LANCL2: variants seen among roughly 807,000 people sequenced by gnomAD.
LANCL2 encodes lanC-like protein 2.
A neutral mutation model predicts 56.9 loss-of-function variants in LANCL2; 33 were observed. The observed-to-expected ratio is 0.58, with a 90% CI of 0.44 to 0.78. The LOEUF (loss-of-function observed/expected upper bound fraction) is 0.78. LANCL2 is among the 30% of genes least tolerant of loss of function. The probability of loss-of-function intolerance (pLI) is 0.00; values close to 1 mark genes in which losing one functional copy is unlikely to be tolerated. For synonymous variants in LANCL2, 233 were observed against 228.2 expected (o/e 1.02, Z -0.19); for missense variants, 562 against 580.2 (o/e 0.97, Z 0.32).
intron 2 of LANCL2, 79 bp from the exon 3 acceptor site, chr7:55,398,344 C>A: frequency 9.8e-7 from 1 of 1,022,856 alleles, no homozygotes; most frequent in Non-Finnish European, 1.5e-6. Context: ...GAAGGTATTT[C>A]ATGTAATTAT....
intron 6 of LANCL2, among the ~76,000 whole-genome samples, chr7:55,421,339 C>CTTT (rs11416515): frequency 2.9e-4 from 30 of 104,622 alleles, no homozygotes; most frequent in South Asian, 1.7e-3. Flanking sequence ...TCTGTTGACT[C>CTTT]TTTTTTTTTT....
At chr7:55,428,597 T>C in intron 8 of LANCL2, 150 bp downstream of exon 8, 1 of 665,344 alleles carries the variant, frequency 1.5e-6, no homozygotes, top group Non-Finnish European at 2.7e-6. Context: ...CTGAAAATTA[T>C]GTTGAATCTC....
rs141460020 is a variant in LANCL2 at position 55,370,017 on chromosome 7, C to G, written c.204+3788C>G. On this transcript the variant is annotated intron_variant, in intron 1 of 8. Coordinates refer to ENST00000254770, the MANE Select transcript of LANCL2 (RefSeq NM_018697.4). ...ATGCAGTGTCTGAGAGTCAGGAATC[C>G]AGCTGCAGGTTAGCTGGGTGGTTCT... 3.5e-3 allele frequency among the ~76,000 whole-genome samples: 539 copies of G among 152,280 alleles called. 6 individuals are homozygous for G. Among genetic ancestry groups the G allele is most frequent in the African/African-American group, 0.012 (511 of 41,534 alleles).
chr7:55,391,953 G>C, intron 2 of LANCL2, 43 bp downstream of exon 2: 1 of 1,090,744 alleles, frequency 9.2e-7, no homozygotes, highest in Non-Finnish European at 1.4e-6. Context: ...TTTATTCTTA[G>C]ATTATGAGAT....
chr7:55,386,141 G>A (rs1320189418), intron 1 of LANCL2, among the ~76,000 whole-genome samples: 1 of 152,054 alleles, frequency 6.6e-6, no homozygotes, highest in Non-Finnish European at 1.5e-5. Flanking sequence ...TGTACAATTT[G>A]TGTAGTTAAC....
At chr7:55,377,036 C>T (rs182345069) in intron 1 of LANCL2, among the ~76,000 whole-genome samples, 18 of 152,084 alleles carry the variant, frequency 1.2e-4, no homozygotes, top group African/African-American at 1.7e-4. Flanking sequence ...ATGTTTGCTA[C>T]GCTTCATGCC....
At chr7:55,375,631 C>T (rs1789992057) in intron 1 of LANCL2, among the ~76,000 whole-genome samples, 1 of 152,216 alleles carries the variant, frequency 6.6e-6, no homozygotes, top group Non-Finnish European at 1.5e-5. Context: ...TTTAAAGCAG[C>T]ACCTATTTAT....
At position 55,365,909 on chromosome 7, in the gene LANCL2, C is replaced by T. The variant is rs988337932; in HGVS notation, c.-117C>T. 1 of 760,904 alleles carries T rather than the reference C, an allele frequency of 1.3e-6. No individual in the cohort carries two copies. The highest frequency in any genetic ancestry group is 1.9e-5 in the African/African-American group (1 of 53,706). The allele number at this position is 760,904 out of a possible 1,614,324, so 47.1% of individuals were successfully genotyped here. A position where few individuals can be genotyped will look rare whatever the true frequency, so the allele number is the denominator to read the frequency against. On this transcript the variant is annotated 5_prime_UTR_variant, in exon 1 of 9. Transcript: ENST00000254770. ...CCCCGCTCCTCCCGCCAGCGCGCGGCCTCGCTCCTCCTAGAGGACGCTCTC... is the reference window on the plus strand; with the variant it reads ...CCCCGCTCCTCCCGCCAGCGCGCGGTCTCGCTCCTCCTAGAGGACGCTCTC...
intron 2 of LANCL2, among the ~76,000 whole-genome samples, chr7:55,395,614 A>C (rs1048781707): frequency 6.6e-6 from 1 of 152,182 alleles, no homozygotes; most frequent in Non-Finnish European, 1.5e-5. Flanking sequence ...CAAGGAAAAA[A>C]ATCAAAGAGA....
At chr7:55,376,465 C>T (rs569111220) in intron 1 of LANCL2, among the ~76,000 whole-genome samples, 6 of 152,274 alleles carry the variant, frequency 3.9e-5, no homozygotes, top group African/African-American at 7.2e-5. Flanking sequence ...GCCCCACTGA[C>T]GGTACTCCCT....
chr7:55,420,370 G>C (rs1790594852), intron 6 of LANCL2, among the ~76,000 whole-genome samples: 1 of 152,160 alleles, frequency 6.6e-6, no homozygotes. Flanking sequence ...GAATTGTGTG[G>C]ATATTTTCAT....
Position 55,412,111 on chromosome 7 carries a change from G to A in LANCL2, c.1008+22G>A. 5 of 1,595,870 alleles carry A rather than the reference G, an allele frequency of 3.1e-6. No individual in the cohort carries two copies. In the Middle Eastern group the frequency reaches 8.8e-4, roughly 282 times the overall value. The stretch of plus-strand genomic sequence containing the variant: ...CAAGGTCAGTGCTTCCGCCGTCACG[G>A]CCGTCCCCTGTGTGGGGAGCCAGGT... On this transcript the variant is annotated intron_variant, in intron 6 of 8. Transcript: ENST00000254770.
chr7:55,387,690 C>T (rs938107823), intron 1 of LANCL2, among the ~76,000 whole-genome samples: 2 of 152,108 alleles, frequency 1.3e-5, no homozygotes, highest in Non-Finnish European at 2.9e-5. Context: ...AAAATTATAA[C>T]CAACTTAATT....
chr7:55,375,682 T>C (rs996495987), intron 1 of LANCL2, among the ~76,000 whole-genome samples: 1 of 152,256 alleles, frequency 6.6e-6, no homozygotes, highest in Non-Finnish European at 1.5e-5. Context: ...AGGTACAGTC[T>C]GGCTCTGCTG....
At chr7:55,402,282 C>T in intron 5 of LANCL2, among the ~76,000 whole-genome samples, 1 of 88,616 alleles carries the variant, frequency 1.1e-5, no homozygotes, top group African/African-American at 4.6e-5. Context: ...GACGGGGCGG[C>T]TGGCCGGGCG....
At chr7:55,402,113 G>C (rs1790337005) in intron 5 of LANCL2, among the ~76,000 whole-genome samples, 2 of 146,892 alleles carry the variant, frequency 1.4e-5, no homozygotes, top group South Asian at 2.2e-4. Flanking sequence ...TCCCAGTAGG[G>C]GCGGCCGGGC....
intron 7 of LANCL2, among the ~76,000 whole-genome samples, chr7:55,426,072 A>C (rs913067973): frequency 6.6e-6 from 1 of 152,162 alleles, no homozygotes; most frequent in Non-Finnish European, 1.5e-5. Context: ...CTCTTCCTTC[A>C]GCTCCTTGCC....
intron 6 of LANCL2, among the ~76,000 whole-genome samples, chr7:55,414,292 G>A (rs1790502744): frequency 6.6e-6 from 1 of 150,764 alleles, no homozygotes; most frequent in Non-Finnish European, 1.5e-5. Context: ...AGTGGGGGAG[G>A]CAAAACTAGG....
chr7:55,384,349 C>T lies in LANCL2; in HGVS notation c.205-7444C>T, dbSNP rs975599207. ...CGGGTGGATCACGAGGTCAGGAGAT[C>T]GAGATCATCCTGGCTAACACGGTGA... On this transcript the variant is annotated intron_variant, in intron 1 of 8. Coordinates refer to ENST00000254770, the MANE Select transcript of LANCL2 (RefSeq NM_018697.4). Among the ~76,000 whole-genome samples the T allele has an allele frequency of 2.0e-5, 3 of 152,160 alleles. No individual in the cohort carries two copies. The East Asian group carries it at 5.8e-4, about 29-fold the overall frequency.
Sources: allele counts gnomAD v4.1 joint callset (sites outside exome capture counted in the v4.1 genomes callset), GRCh38; gene constraint gnomAD v4.1.1; transcripts MANE v1.5; gene names NCBI Gene and HGNC (gene_info 2026-07-23, HGNC 2026-07-21).